The following JMJD1C variants were observed in gnomAD, a reference collection of about 807,000 sequenced individuals.
JMJD1C encodes the protein jumonji domain-containing protein 1C.
JMJD1C carries 31 observed loss-of-function variants against 245.3 expected under a neutral mutation model. The ratio of observed to expected loss-of-function variants is 0.13; its 90% CI spans 0.09 to 0.17. The LOEUF (loss-of-function observed/expected upper bound fraction) is 0.17, where lower values mean the gene tolerates loss of function less well. JMJD1C is among the 10% of genes least tolerant of loss of function. The probability of loss-of-function intolerance (pLI) is 1.00; values close to 1 mark genes in which losing one functional copy is unlikely to be tolerated. For missense variants in JMJD1C, 2,691 were observed against 3,000.2 expected (o/e 0.90, Z 2.41); for synonymous variants, 1,057 against 1,017.4 (o/e 1.04, Z -0.74).
At chr10:63,460,661 T>C (rs1952730188) in intron 1 of JMJD1C, among the ~76,000 whole-genome samples, 2 of 152,192 alleles carry the variant, frequency 1.3e-5, no homozygotes, top group East Asian at 1.9e-4. Context: ...TATGTGAAGA[T>C]GACAGAAAAT....
intron 3 of JMJD1C, among the ~76,000 whole-genome samples, chr10:63,229,424 C>A (rs1011170730): frequency 6.6e-6 from 1 of 151,470 alleles, no homozygotes; most frequent in Non-Finnish European, 1.5e-5. Context: ...TAAAAAAAAA[C>A]AAACAAAAAA....
chr10:63,246,242 C>A (rs753804693), intron 3 of JMJD1C, among the ~76,000 whole-genome samples: 1 of 152,008 alleles, frequency 6.6e-6, no homozygotes, highest in Non-Finnish European at 1.5e-5. Context: ...ACAGATGTGA[C>A]CCAAATAAGA....
In JMJD1C at chr10:63,317,351, A is replaced by G. The variant is rs573412432; in HGVS notation, c.334-52587T>C. ...GAAACCCCGTTTCTACTAAAAATAC[A>G]AAATTTAGCTTGGCACAGTGGCGTG... is the stretch of plus-strand genomic sequence containing the variant. On this transcript the variant is annotated intron_variant, in intron 2 of 25. Coordinates refer to ENST00000399262, the MANE Select transcript of JMJD1C (RefSeq NM_032776.3). Among the ~76,000 whole-genome samples, 4 of 152,230 alleles carry G rather than the reference A, an allele frequency of 2.6e-5. No individual in the cohort carries two copies. In the East Asian group the frequency reaches 5.8e-4, roughly 22 times the overall value.
In JMJD1C at chr10:63,465,825, C is replaced by A. The variant is rs1401002808; in HGVS notation, c.-163G>T. 2.5e-6 allele frequency: 2 copies of A among 786,430 alleles called. No individual in the cohort carries two copies. The highest frequency in any genetic ancestry group is 1.7e-5 in the African/African-American group (1 of 59,140). The allele number at this position is 786,430 out of a possible 1,614,324, so 48.7% of individuals were successfully genotyped here. On this transcript the variant is annotated 5_prime_UTR_variant, in exon 1 of 26. Transcript: ENST00000399262. Reference sequence around the variant, plus strand: ...ACCGGCCGCTCTGCCCCGGACACAGCGACCTCGGGCCCTCCCCGCAAACAC... The same window carrying A: ...ACCGGCCGCTCTGCCCCGGACACAGAGACCTCGGGCCCTCCCCGCAAACAC...
Position 63,184,239 on chromosome 10 carries a change from A to ATT in JMJD1C, c.6961+367_6961+368dup, listed in dbSNP as rs34600901. ...CCACCACGCCCATCCTTGAACAGAAATTTTTTTTTTTTTTTTTTTGAGACG... is the reference window on the plus strand; with the variant it reads ...CCACCACGCCCATCCTTGAACAGAAATTTTTTTTTTTTTTTTTTTTTGAGACG... On this transcript the variant is annotated intron_variant, in intron 21 of 25. Transcript: ENST00000399262. Among the ~76,000 whole-genome samples, 184 of 131,386 alleles carry ATT rather than the reference A, an allele frequency of 1.4e-3. 1 individual carries two copies. The highest frequency in any genetic ancestry group is 2.2e-3 in the Non-Finnish European group (133 of 61,744). 86.2% of individuals were successfully genotyped at this position (131,386 alleles called of 152,430 possible).
chr10:63,498,902 G>C (rs1954447101), intron 1 of JMJD1C, among the ~76,000 whole-genome samples: 1 of 151,992 alleles, frequency 6.6e-6, no homozygotes, highest in African/African-American at 2.4e-5. Context: ...ATGAGCCCCT[G>C]GGAACTACCA....
intron 5 of JMJD1C, among the ~76,000 whole-genome samples, chr10:63,216,696 C>A (rs1002171307): frequency 6.6e-6 from 1 of 151,586 alleles, no homozygotes; most frequent in Non-Finnish European, 1.5e-5. Context: ...GGCGACAGAG[C>A]GAGACTCCAG....
At chr10:63,494,137 C>T (rs1023974209) in intron 1 of JMJD1C, among the ~76,000 whole-genome samples, 9 of 152,018 alleles carry the variant, frequency 5.9e-5, no homozygotes, top group Non-Finnish European at 1.2e-4. Flanking sequence ...ACGGAGAAAC[C>T]CCATCTCTAC....
intron 3 of JMJD1C, among the ~76,000 whole-genome samples, chr10:63,244,821 G>C (rs1355507444): frequency 6.9e-6 from 1 of 145,666 alleles, no homozygotes; most frequent in Non-Finnish European, 1.5e-5. Context: ...AAAAAAAGGG[G>C]GGGGGAGGGG....
chr10:63,412,434 T>G (rs1949542935), intron 1 of JMJD1C, among the ~76,000 whole-genome samples: 1 of 152,210 alleles, frequency 6.6e-6, no homozygotes, highest in Non-Finnish European at 1.5e-5. Context: ...CTGCGAGAGA[T>G]CATTTCTTAT....
intron 1 of JMJD1C, among the ~76,000 whole-genome samples, chr10:63,383,163 A>G (rs1947342376): frequency 6.6e-6 from 1 of 152,006 alleles, no homozygotes; most frequent in South Asian, 2.1e-4. Flanking sequence ...AACCTGGTAA[A>G]AGGTTAAGTT....
At chr10:63,296,013 A>ATCTTTTT (rs71025149) in intron 2 of JMJD1C, among the ~76,000 whole-genome samples, 1 of 84,284 alleles carries the variant, frequency 1.2e-5, no homozygotes, top group East Asian at 3.5e-4. Flanking sequence ...GTATATATAT[A>ATCTTTTT]TTTTTTTTTT....
chr10:63,307,777 G>A (rs1481302513), intron 2 of JMJD1C, among the ~76,000 whole-genome samples: 3 of 152,104 alleles, frequency 2.0e-5, no homozygotes, highest in Non-Finnish European at 2.9e-5. Context: ...TTTAGTCTCT[G>A]CAGAATTTAA....
intron 2 of JMJD1C, 28 bp downstream of exon 2, chr10:63,380,290 T>C (rs1947113107): frequency 6.2e-7 from 1 of 1,610,064 alleles, no homozygotes; most frequent in African/African-American, 1.3e-5. Context: ...CAAATGAAAA[T>C]GCTTAATGAA....
At chr10:63,260,838 G>A (rs925932023) in intron 3 of JMJD1C, among the ~76,000 whole-genome samples, 7 of 152,106 alleles carry the variant, frequency 4.6e-5, no homozygotes, top group South Asian at 4.2e-4. Context: ...TGATCCGCCC[G>A]CTTCGGCTTC....
chr10:63,219,462 G>C (rs111522285), intron 4 of JMJD1C, among the ~76,000 whole-genome samples: 1 of 152,142 alleles, frequency 6.6e-6, no homozygotes, highest in Admixed American at 6.5e-5. Flanking sequence ...GGAAACAAAA[G>C]ACTAGTAATT....
In JMJD1C at chr10:63,206,871, T is replaced by C. The variant is rs760888434; in HGVS notation, c.4798A>G (p.Ser1600Gly). ...ACATATTTATCAACTATGATCTTAC[T>C]ATCTACACTATTTTGTATATCACTA... ...TSSDIQNSVDSKIIVDKYVKD... is the reference protein window; with the variant it reads ...TSSDIQNSVDGKIIVDKYVKD... Residue 1600 changes from serine (S) to glycine (G), a missense_variant, in exon 10 of 26, where the codon AGT becomes GGT. Physicochemically the swap from Ser to Gly is moderately conservative, Grantham distance 56 (BLOSUM62 0). Around this residue, in one of 9 missense-constraint regions of JMJD1C, gnomAD observed 144 missense variants for 143.3 expected, o/e 1.00. Transcript: ENST00000399262. 3.7e-6 allele frequency: 6 copies of C among 1,606,682 alleles called. No homozygotes were observed. The highest frequency in any genetic ancestry group is 5.1e-6 in the Non-Finnish European group (6 of 1,176,436).
chr10:63,228,914 A>AT (rs1849633784), intron 3 of JMJD1C, among the ~76,000 whole-genome samples: 1 of 152,194 alleles, frequency 6.6e-6, no homozygotes, highest in African/African-American at 2.4e-5. Flanking sequence ...TTTAATGTAC[A>AT]TAATTTAGGA....
chr10:63,232,685 T>TA (rs1280741451), intron 3 of JMJD1C, among the ~76,000 whole-genome samples: 1 of 152,190 alleles, frequency 6.6e-6, no homozygotes, highest in African/African-American at 2.4e-5. Flanking sequence ...GAGGAAATGA[T>TA]AAAGTTTAAG....
Sources: gnomAD v4.1 joint callset for allele counts (sites outside exome capture counted in the v4.1 genomes callset) on GRCh38, gnomAD v4.1.1 for gene constraint, gnomAD v4.1.1 regional missense constraint, MANE v1.5 for transcripts, NCBI Gene and HGNC (gene_info 2026-07-23, HGNC 2026-07-21) for gene names.